FBXO4: variants seen among roughly 807,000 people sequenced by gnomAD.
The protein encoded by FBXO4 is F-box protein 4.
In FBXO4, 36 loss-of-function variants were observed where a neutral mutation model predicts 43.7. The ratio of observed to expected loss-of-function variants is 0.82; its 90% confidence interval spans 0.63 to 1.09. The LOEUF is 1.09. FBXO4 is among the 50% of genes least tolerant of loss of function. The pLI, the probability that FBXO4 is intolerant of heterozygous loss-of-function variation, is 0.00. For synonymous variants in FBXO4, 180 were observed against 165.6 expected (o/e 1.09, Z -0.67); for missense variants, 435 against 474.1 (o/e 0.92, Z 0.77).
chr5:41,993,777 G>C, the FBXO4 span, among the ~76,000 whole-genome samples: 3 of 152,030 alleles, frequency 2.0e-5, no homozygotes, highest in African/African-American at 7.2e-5. Flanking sequence ...TGAGGAACTT[G>C]GAGTCTGATG....
chr5:41,957,441 ATATAATTATAT>A, the FBXO4 span, among the ~76,000 whole-genome samples: 8 of 146,222 alleles, frequency 5.5e-5, no homozygotes, highest in African/African-American at 2.0e-4. Flanking sequence ...TTCTATAATT[ATATAATTATAT>A]TATAATTATA....
At chr5:42,032,734 G>C in the FBXO4 span, among the ~76,000 whole-genome samples, 2 of 152,114 alleles carry the variant, frequency 1.3e-5, no homozygotes, top group African/African-American at 4.8e-5. Context: ...CCCCGTGGCT[G>C]TGCTAGTACC....
the FBXO4 span, among the ~76,000 whole-genome samples, chr5:41,973,728 C>T: frequency 2.6e-5 from 4 of 152,160 alleles, no homozygotes; most frequent in Non-Finnish European, 4.4e-5. Flanking sequence ...ATCCAGCAAT[C>T]CCATTACTTT....
At chr5:41,946,536 A>G (rs930037807), downstream of FBXO4, among the ~76,000 whole-genome samples, 4 of 152,234 alleles carry the variant, frequency 2.6e-5, no homozygotes, top group African/African-American at 7.2e-5. Flanking sequence ...TTTCCATTGC[A>G]GAAACGATCT....
chr5:42,029,717 T>G, the FBXO4 span, among the ~76,000 whole-genome samples: 2 of 152,088 alleles, frequency 1.3e-5, no homozygotes, highest in Non-Finnish European at 2.9e-5. Flanking sequence ...TTTCTTCTGT[T>G]TGATTCATTC....
chr5:42,016,828 C>A, the FBXO4 span, among the ~76,000 whole-genome samples: 1 of 152,072 alleles, frequency 6.6e-6, no homozygotes, highest in African/African-American at 2.4e-5. Context: ...AATTATGATA[C>A]TTAGTTTTCA....
At chr5:41,979,969 A>G in the FBXO4 span, among the ~76,000 whole-genome samples, 2 of 152,210 alleles carry the variant, frequency 1.3e-5, no homozygotes, top group African/African-American at 4.8e-5. Flanking sequence ...AAGACAAAAC[A>G]AAACAAAGAG....
chr5:41,947,994 T>C, the FBXO4 span, among the ~76,000 whole-genome samples: 12 of 152,284 alleles, frequency 7.9e-5, no homozygotes, highest in East Asian at 5.8e-4. Flanking sequence ...AATAAAAAAG[T>C]TCTGTAGCTG....
the FBXO4 span, among the ~76,000 whole-genome samples, chr5:41,971,685 C>T: frequency 6.6e-6 from 1 of 151,848 alleles, no homozygotes; most frequent in Non-Finnish European, 1.5e-5. Flanking sequence ...ATGTTTCTTT[C>T]TCTATTCTAG....
the FBXO4 span, among the ~76,000 whole-genome samples, chr5:41,999,481 A>ATATATACATG: frequency 4.5e-3 from 47 of 10,398 alleles, no homozygotes; most frequent in Middle Eastern, 0.031. Context: ...ATATATACAC[A>ATATATACATG]TATATATATA....
chr5:41,954,763 G>A, the FBXO4 span, among the ~76,000 whole-genome samples: 1 of 152,050 alleles, frequency 6.6e-6, no homozygotes, highest in Non-Finnish European at 1.5e-5. Context: ...TGAAGTGAAG[G>A]GGGTATATCA....
chr5:41,955,345 G>A, the FBXO4 span, among the ~76,000 whole-genome samples: 1 of 152,246 alleles, frequency 6.6e-6, no homozygotes, highest in African/African-American at 2.4e-5. Flanking sequence ...ATGATACAAA[G>A]ATTTCTGTTT....
the FBXO4 span, among the ~76,000 whole-genome samples, chr5:42,004,022 A>G: frequency 6.6e-6 from 1 of 152,310 alleles, no homozygotes; most frequent in Non-Finnish European, 1.5e-5. Flanking sequence ...TGGCACATAT[A>G]CACCGTGGAA....
chr5:41,941,737 T>A lies in FBXO4; in HGVS notation c.*456T>A, dbSNP rs1312493549. ...CTTAATAAATACACTGCTTAAAGAC[T>A]GAAAAATGTACTGGAATTGCATTTA... is the stretch of plus-strand genomic sequence containing the variant. On this transcript the variant is annotated 3_prime_UTR_variant, in exon 7 of 7. Coordinates refer to ENST00000281623, the MANE Select transcript of FBXO4 (RefSeq NM_012176.3). 6.5e-6 allele frequency: 1 copy of A among 153,496 alleles called. No individual in the cohort carries two copies. The highest frequency in any genetic ancestry group is 1.5e-5 in the Non-Finnish European group (1 of 68,860). 9.5% of individuals were successfully genotyped at this position (153,496 alleles called of 1,614,324 possible). A position where few individuals can be genotyped will look rare whatever the true frequency, so the allele number is the denominator to read the frequency against.
At chr5:42,036,069 A>G in the FBXO4 span, among the ~76,000 whole-genome samples, 1 of 152,134 alleles carries the variant, frequency 6.6e-6, no homozygotes, top group African/African-American at 2.4e-5. Context: ...GACATTGCAG[A>G]CTGCTTAAAA....
chr5:41,965,919 T>A, the FBXO4 span, among the ~76,000 whole-genome samples: 14,534 of 152,104 alleles, frequency 0.096, 969 homozygotes, highest in African/African-American at 0.18. Context: ...ACCATGATAG[T>A]CTGGATTAAG....
At chr5:42,039,369 G>A in the FBXO4 span, among the ~76,000 whole-genome samples, 1 of 151,886 alleles carries the variant, frequency 6.6e-6, no homozygotes, top group Non-Finnish European at 1.5e-5. Flanking sequence ...CTGTAAAATC[G>A]GGCAACCTGT....
Position 41,927,176 on chromosome 5 carries a change from T to A in FBXO4, c.353T>A (p.Leu118His). The change falls in exon 2 of 7, where the codon CTT becomes CAT. Residue 118 changes from leucine (L) to histidine (H), a missense_variant. Physicochemically the swap from Leu to His is moderately conservative, Grantham distance 99 (BLOSUM62 -3). Coordinates refer to ENST00000281623, the MANE Select transcript of FBXO4 (RefSeq NM_012176.3). ...PSWSSVDWKS[L>H]PDLEILKKPI... ...TGGTCTTCTGTTGACTGGAAGTCTC[T>A]TCCAGATCTAGAAATCTTAAAAAAG... 1.2e-6 allele frequency: 2 copies of A among 1,613,924 alleles called. No individual in the cohort carries two copies. The highest frequency in any genetic ancestry group is 1.7e-6 in the Non-Finnish European group (2 of 1,179,954).
At position 41,941,617 on chromosome 5, in the gene FBXO4, AT is replaced by A; in HGVS notation, c.*338del. On this transcript the variant is annotated 3_prime_UTR_variant, in exon 7 of 7. Transcript: ENST00000281623. Reference sequence around the variant, plus strand: ...AGTTTCTATTCTTTTGGGTATAAAGATTGCCTTAGTGAGAAATAGCAAATTT... The same window carrying A: ...AGTTTCTATTCTTTTGGGTATAAAGATGCCTTAGTGAGAAATAGCAAATTT... 5.6e-6 allele frequency: 1 copy of A among 177,236 alleles called. No homozygotes were observed. Among genetic ancestry groups the A allele is most frequent in the Non-Finnish European group, 1.2e-5 (1 of 82,602 alleles). The allele number at this position is 177,236 out of a possible 1,614,324, so 11.0% of individuals were successfully genotyped here. A position where few individuals can be genotyped will look rare whatever the true frequency, so the allele number is the denominator to read the frequency against.
Sources: gnomAD v4.1 joint callset for allele counts (sites outside exome capture counted in the v4.1 genomes callset) on GRCh38, gnomAD v4.1.1 for gene constraint, MANE v1.5 for transcripts, NCBI Gene and HGNC (gene_info 2026-07-23, HGNC 2026-07-21) for gene names.